Variants in ADGRA1 observed in about 807,000 individuals in gnomAD.
ADGRA1 encodes G-protein coupled receptor 123.
Under a neutral mutation model 21.3 loss-of-function variants are expected in ADGRA1, and 12 were observed. The ratio of observed to expected loss-of-function variants is 0.56; its 90% CI spans 0.36 to 0.91. The LOEUF is 0.91. ADGRA1 is among the 40% of genes least tolerant of loss of function. The pLI is 0.01. For synonymous variants in ADGRA1, 385 were observed against 368.8 expected, an observed-to-expected ratio of 1.04 and a Z score of -0.50; for missense variants, 790 against 805.6, an observed-to-expected ratio of 0.98 and a Z score of 0.23.
Position 133,129,146 on chromosome 10 carries a change from A to G in ADGRA1, c.1318A>G (p.Ile440Val). The G allele has an allele frequency of 6.4e-7, 1 of 1,554,988 alleles. No individual in the cohort carries two copies. Among genetic ancestry groups the G allele is most frequent in the Non-Finnish European group, 8.7e-7 (1 of 1,149,332 alleles). The change falls in exon 7 of 7, where the codon ATC (isoleucine) becomes GTC (valine). Residue 440 changes from isoleucine to valine, a missense_variant. Transcript: ENST00000392607. ...AGAGGAGCCCGAGTACGCCTACCAC[A>G]TCCCATCCAGCCTGGATGGCAGCCC... ...PAEEPEYAYH[I>V]PSSLDGSPRS...
At chr10:133,097,949 C>T (rs929936747) in intron 3 of ADGRA1, among the ~76,000 whole-genome samples, 4 of 152,178 alleles carry the variant, frequency 2.6e-5, no homozygotes, top group African/African-American at 9.7e-5. Flanking sequence ...TGCCCAGAGG[C>T]CCCCGCTTCC....
rs116797161 is a variant in ADGRA1 at position 133,100,434 on chromosome 10, C to T, written c.255+1671C>T. On this transcript the variant is annotated intron_variant, in intron 4 of 6. Coordinates refer to ENST00000392607, the MANE Select transcript of ADGRA1 (RefSeq NM_001083909.3). ...TGCTGGATCCGCGGGTGAGGCCCCC[C>T]GAGGGCCTTCAGCAAACCCCGCCCG... Among the ~76,000 whole-genome samples the T allele has an allele frequency of 1.6e-3, 250 of 152,352 alleles. 2 individuals carry two copies. Among genetic ancestry groups the T allele is most frequent in the African/African-American group, 5.0e-3 (209 of 41,586 alleles).
At chr10:133,125,317 T>C (rs926628652) in intron 5 of ADGRA1, among the ~76,000 whole-genome samples, 3 of 152,256 alleles carry the variant, frequency 2.0e-5, no homozygotes, top group Middle Eastern at 3.2e-3. Flanking sequence ...TGTTTTCCGT[T>C]TTTACCACTT....
In ADGRA1 at chr10:133,128,829, A is replaced by ACGGGGCCGCG. The variant is rs1852441707; in HGVS notation, c.1003_1012dup (p.Leu338ArgfsTer88). ...GACGCCCACCCCGCACTTGACGCCA[A>ACGGGGCCGCG]CGGGGCCGCGCTGGGCCGCGCCGCC... On this transcript the variant is annotated frameshift_variant, in exon 7 of 7. Coordinates refer to ENST00000392607, the MANE Select transcript of ADGRA1 (RefSeq NM_001083909.3). LOFTEE classifies it low-confidence loss of function (END_TRUNC). The ACGGGGCCGCG allele has an allele frequency of 6.2e-7, 1 of 1,601,198 alleles. No individual in the cohort carries two copies. The highest frequency in any genetic ancestry group is 1.3e-5 in the African/African-American group (1 of 74,518).
chr10:133,121,875 G>GC (rs1852273062), intron 5 of ADGRA1, among the ~76,000 whole-genome samples: 2 of 149,744 alleles, frequency 1.3e-5, no homozygotes, highest in African/African-American at 4.9e-5. Context: ...GCCTGTGTGT[G>GC]GTGTGTGCCA....
At chr10:133,123,775 C>A (rs2135907295) in intron 5 of ADGRA1, among the ~76,000 whole-genome samples, 1 of 152,014 alleles carries the variant, frequency 6.6e-6, no homozygotes, top group Non-Finnish European at 1.5e-5. Context: ...CTTGGGGCCT[C>A]CTCCACCCTG....
intron 2 of ADGRA1, chr10:133,093,256 A>G (rs1471900470): frequency 5.1e-6 from 8 of 1,582,184 alleles, no homozygotes; most frequent in Non-Finnish European, 6.8e-6. Context: ...CTGCTGCAGA[A>G]AGGTTAAGTT....
intron 2 of ADGRA1, among the ~76,000 whole-genome samples, chr10:133,091,509 G>A (rs150593759): frequency 5.9e-5 from 9 of 152,330 alleles, no homozygotes; most frequent in East Asian, 3.9e-4. Context: ...GCCCTGTGCC[G>A]ATGGCACCAT....
rs116642023 is a variant in ADGRA1, at chr10:133,115,861, T to C, written c.402-11372T>C. Among the ~76,000 whole-genome samples the C allele has an allele frequency of 4.9e-3, 745 of 152,234 alleles. 10 individuals are homozygous for C. Among genetic ancestry groups the C allele is most frequent in the African/African-American group, 0.017 (697 of 41,544 alleles). ...ACACCACTGCCAGGTCCTGGTGTAC[T>C]ACAGCCCCCAACCCCTCCCTGCCTT... On this transcript the variant is annotated intron_variant, in intron 5 of 6. Coordinates refer to ENST00000392607, the MANE Select transcript of ADGRA1 (RefSeq NM_001083909.3).
chr10:133,112,347 G>A lies in ADGRA1; in HGVS notation c.401+9505G>A, dbSNP rs148292618. ...CGGTTATCTGGGGTCTGCAGGCTGC[G>A]TCAGTTATTTGGGGTCTGCGGGCCG... On this transcript the variant is annotated intron_variant, in intron 5 of 6. Transcript: ENST00000392607. Among the ~76,000 whole-genome samples the A allele has an allele frequency of 3.5e-3, 535 of 151,724 alleles. 1 individual carries two copies. The highest frequency in any genetic ancestry group is 7.0e-3 in the Middle Eastern group (2 of 286).
intron 5 of ADGRA1, among the ~76,000 whole-genome samples, chr10:133,103,981 G>A (rs1345879841): frequency 6.6e-6 from 1 of 152,228 alleles, no homozygotes; most frequent in Non-Finnish European, 1.5e-5. Flanking sequence ...GTGGCCAGCG[G>A]TCCCAGGGGG....
intron 2 of ADGRA1, chr10:133,095,562 C>A (rs972305107): frequency 1.8e-5 from 26 of 1,422,072 alleles, no homozygotes; most frequent in Non-Finnish European, 2.0e-5. Context: ...CAGGGCCCCT[C>A]CGGTGCCCGC....
intron 4 of ADGRA1, among the ~76,000 whole-genome samples, chr10:133,100,205 C>T (rs1029227345): frequency 4.6e-5 from 7 of 152,232 alleles, no homozygotes; most frequent in Non-Finnish European, 1.0e-4. Flanking sequence ...ATGGCCCCGG[C>T]GGAGGAGTCG....
chr10:133,088,995 C>T (rs539606964), intron 2 of ADGRA1, 83 bp downstream of exon 2: 4 of 1,234,742 alleles, frequency 3.2e-6, no homozygotes, highest in Middle Eastern at 4.1e-4. Flanking sequence ...GACTCCCAGG[C>T]TGGAAAAGTT....
intron 2 of ADGRA1, among the ~76,000 whole-genome samples, chr10:133,094,168 G>A (rs890055414): frequency 6.6e-5 from 10 of 152,252 alleles, no homozygotes; most frequent in East Asian, 3.9e-4. Context: ...CACACAAGGC[G>A]GCGTGGCCCT....
chr10:133,098,101 C>T (rs1851719846), intron 3 of ADGRA1, among the ~76,000 whole-genome samples: 1 of 152,190 alleles, frequency 6.6e-6, no homozygotes, highest in African/African-American at 2.4e-5. Context: ...ACCATGCAGC[C>T]ATACCTGTGC....
At chr10:133,127,777 C>G (rs1403708431) in intron 6 of ADGRA1, among the ~76,000 whole-genome samples, 6 of 101,054 alleles carry the variant, frequency 5.9e-5, no homozygotes, top group Admixed American at 3.0e-4. Flanking sequence ...GCCCACCCAG[C>G]TCCACCTCCG....
intron 2 of ADGRA1, 139 bp downstream of exon 2, chr10:133,089,051 G>T (rs1223835945): frequency 1.6e-6 from 2 of 1,232,992 alleles, no homozygotes; most frequent in African/African-American, 3.1e-5. Context: ...CAGTGCCGGG[G>T]TGGGAGGCTC....
In ADGRA1 at chr10:133,098,492, C is replaced by T. The variant is rs959631279; in HGVS notation, c.132-148C>T. The T allele has an allele frequency of 7.6e-6, 7 of 915,568 alleles. No individual in the cohort carries two copies. The African/African-American group carries it at 1.2e-4, about 15-fold the overall frequency. 56.7% of individuals were successfully genotyped at this position (915,568 alleles called of 1,614,324 possible). On this transcript the variant is annotated intron_variant, in intron 3 of 6. Transcript: ENST00000392607. ...CAGACTCGGACGACCCATCTGCTCTCCCCTGACCGGGTCCTCGGACAGCTG... is the reference window on the plus strand; with the variant it reads ...CAGACTCGGACGACCCATCTGCTCTTCCCTGACCGGGTCCTCGGACAGCTG...
Sources: gnomAD v4.1 joint callset for allele counts (sites outside exome capture counted in the v4.1 genomes callset) on GRCh38, gnomAD v4.1.1 for gene constraint, MANE v1.5 for transcripts, NCBI Gene and HGNC (gene_info 2026-07-23, HGNC 2026-07-21) for gene names.